The following PTPRR variants were observed in gnomAD, a reference collection of about 807,000 sequenced individuals.
The protein encoded by PTPRR is receptor-type tyrosine-protein phosphatase R.
A neutral mutation model predicts 77.2 loss-of-function variants in PTPRR; 38 were observed. That is an observed-to-expected ratio of 0.49 (90% CI 0.38 to 0.65). PTPRR has a LOEUF of 0.65. Among genes scored for constraint, PTPRR ranks in the 30% least tolerant of loss-of-function variants. The probability of loss-of-function intolerance (pLI) is 0.00; values close to 1 mark genes in which losing one functional copy is unlikely to be tolerated. For missense variants in PTPRR, 744 were observed against 799.2 expected (o/e 0.93, Z 0.83); for synonymous variants, 299 against 283.1 (o/e 1.06, Z -0.57).
intron 2 of PTPRR, among the ~76,000 whole-genome samples, chr12:70,851,814 G>T (rs1892575999): frequency 6.6e-6 from 1 of 152,186 alleles, no homozygotes; most frequent in African/African-American, 2.4e-5. Flanking sequence ...AATGTGAAAA[G>T]AAGTACACGC....
intron 2 of PTPRR, among the ~76,000 whole-genome samples, chr12:70,862,632 C>T (rs563016981): frequency 1.4e-3 from 217 of 150,548 alleles, no homozygotes; most frequent in African/African-American, 5.0e-3. Context: ...GGAGATGTAC[C>T]TAATGCTAAA....
chr12:70,860,215 C>G (rs1363285666), intron 2 of PTPRR, among the ~76,000 whole-genome samples: 1 of 152,090 alleles, frequency 6.6e-6, no homozygotes, highest in Non-Finnish European at 1.5e-5. Context: ...TAGAGTCAAA[C>G]TAAGGAAATG....
intron 6 of PTPRR, among the ~76,000 whole-genome samples, chr12:70,715,405 G>A (rs1049709449): frequency 5.3e-5 from 8 of 152,146 alleles, no homozygotes; most frequent in African/African-American, 1.7e-4. Flanking sequence ...TGAAGTTTCC[G>A]GCACCATTGT....
At chr12:70,750,353 T>G (rs1890351998) in intron 5 of PTPRR, among the ~76,000 whole-genome samples, 1 of 152,202 alleles carries the variant, frequency 6.6e-6, no homozygotes, top group Non-Finnish European at 1.5e-5. Context: ...TTGTTATAAA[T>G]ATAATCAATG....
At chr12:70,831,606 T>C (rs1037504898) in intron 2 of PTPRR, among the ~76,000 whole-genome samples, 46 of 152,282 alleles carry the variant, frequency 3.0e-4, no homozygotes, top group African/African-American at 1.1e-3. Flanking sequence ...TGCTACAAAA[T>C]AGAGCAGCCC....
At chr12:70,916,153 G>A (rs551936169) in intron 1 of PTPRR, among the ~76,000 whole-genome samples, 2 of 152,180 alleles carry the variant, frequency 1.3e-5, no homozygotes, top group South Asian at 2.1e-4. Flanking sequence ...GTGATGGGGG[G>A]AAGGGAAAAT....
chr12:70,666,466 T>C (rs1318722630), intron 10 of PTPRR, among the ~76,000 whole-genome samples: 1 of 152,186 alleles, frequency 6.6e-6, no homozygotes, highest in Non-Finnish European at 1.5e-5. Context: ...GTACTTATTA[T>C]TGAAGTCCAG....
At chr12:70,743,590 T>A (rs1890119979) in intron 6 of PTPRR, among the ~76,000 whole-genome samples, 1 of 152,110 alleles carries the variant, frequency 6.6e-6, no homozygotes, top group Non-Finnish European at 1.5e-5. Flanking sequence ...GGAGCCCTTG[T>A]GGAGAGAATA....
At chr12:70,733,460 A>G (rs1243493233) in intron 6 of PTPRR, among the ~76,000 whole-genome samples, 1 of 84,766 alleles carries the variant, frequency 1.2e-5, no homozygotes, top group African/African-American at 4.4e-5. Context: ...GAAAAAAAGA[A>G]AAATTATGGC....
At chr12:70,832,511 G>A (rs1892231652) in intron 2 of PTPRR, among the ~76,000 whole-genome samples, 1 of 152,164 alleles carries the variant, frequency 6.6e-6, no homozygotes, top group Admixed American at 6.5e-5. Flanking sequence ...GGTGGTGAGT[G>A]CTTAGTGGGG....
intron 10 of PTPRR, chr12:70,672,771 A>G (rs1024923535): frequency 2.2e-5 from 35 of 1,558,122 alleles, no homozygotes; most frequent in Admixed American, 1.7e-4. Context: ...GTGTTGGTGT[A>G]TTCAGGAAAC....
intron 2 of PTPRR, among the ~76,000 whole-genome samples, chr12:70,841,914 C>A (rs781685091): frequency 6.6e-6 from 1 of 152,136 alleles, no homozygotes; most frequent in Non-Finnish European, 1.5e-5. Context: ...TAAGCCTTCC[C>A]ATTGTTATCT....
At chr12:70,920,306 C>A in intron 1 of PTPRR, 27 bp downstream of exon 1, 2 of 1,608,118 alleles carry the variant, frequency 1.2e-6, no homozygotes, top group South Asian at 2.2e-5. Context: ...ATGCACAGCT[C>A]CGGCTCTAAG....
intron 2 of PTPRR, among the ~76,000 whole-genome samples, chr12:70,862,768 AGGTG>A (rs1892776345): frequency 6.6e-6 from 1 of 152,096 alleles, no homozygotes; most frequent in Admixed American, 6.6e-5. Context: ...AAGGGAACTA[AGGTG>A]GTTAGAAAAT....
intron 2 of PTPRR, among the ~76,000 whole-genome samples, chr12:70,785,844 G>A (rs1891309992): frequency 6.6e-6 from 1 of 152,126 alleles, no homozygotes; most frequent in Admixed American, 6.6e-5. Flanking sequence ...CAAGTTACTT[G>A]TTTTTAACAG....
chr12:70,782,181 A>T (rs1169954748), intron 2 of PTPRR, among the ~76,000 whole-genome samples: 4 of 152,154 alleles, frequency 2.6e-5, no homozygotes, highest in Non-Finnish European at 5.9e-5. Context: ...CTGTTTTCTC[A>T]GTTGCTAGGG....
At chr12:70,832,955 G>A (rs554024037) in intron 2 of PTPRR, among the ~76,000 whole-genome samples, 3 of 152,040 alleles carry the variant, frequency 2.0e-5, no homozygotes, top group Admixed American at 2.0e-4. Context: ...CAAGGTTCCT[G>A]TTCCCTACAA....
chr12:70,857,874 G>A (rs1208081372), intron 2 of PTPRR, among the ~76,000 whole-genome samples: 1 of 152,112 alleles, frequency 6.6e-6, no homozygotes, highest in Non-Finnish European at 1.5e-5. Flanking sequence ...GGGGCAAGAA[G>A]AGGAACCTAT....
intron 2 of PTPRR, among the ~76,000 whole-genome samples, chr12:70,818,847 A>C (rs904022236): frequency 1.3e-5 from 2 of 152,180 alleles, no homozygotes; most frequent in Admixed American, 6.5e-5. Context: ...AATCATGGTA[A>C]GCCAAAGATC....
Sources: allele counts gnomAD v4.1 joint callset (sites outside exome capture counted in the v4.1 genomes callset), GRCh38; gene constraint gnomAD v4.1.1; transcripts MANE v1.5; gene names NCBI Gene and HGNC (gene_info 2026-07-23, HGNC 2026-07-21).